The following TUSC3 variants were observed in gnomAD, a reference collection of about 807,000 sequenced individuals.
TUSC3 encodes the protein dolichyl-diphosphooligosaccharide--protein glycosyltransferase subunit TUSC3.
Under a neutral mutation model 44.8 loss-of-function variants are expected in TUSC3, and 45 were observed. The observed-to-expected ratio is 1.00, with a 90% CI of 0.79 to 1.29. The LOEUF is 1.29. TUSC3 is among the 50% of genes most tolerant of loss of function. The pLI, the probability that TUSC3 is intolerant of heterozygous loss-of-function variation, is 0.00. For missense variants in TUSC3, 519 were observed against 437.9 expected (o/e 1.19, Z -1.65); for synonymous variants, 212 against 152.9 (o/e 1.39, Z -2.85).
In TUSC3 at chr8:15,649,050, T is replaced by G. The variant is rs1376104212; in HGVS notation, c.309-1647T>G. Among the ~76,000 whole-genome samples the G allele has an allele frequency of 2.0e-5, 3 of 152,338 alleles. No individual in the cohort carries two copies. In the East Asian group the frequency reaches 5.8e-4, roughly 29 times the overall value. Reference sequence around the variant, plus strand: ...ATATATGTGGTAAAATCTCAGATCCTGCACAGTTCTTGATAAATACAATAT... The same window carrying G: ...ATATATGTGGTAAAATCTCAGATCCGGCACAGTTCTTGATAAATACAATAT... On this transcript the variant is annotated intron_variant, in intron 2 of 10. Transcript: ENST00000503731.
chr8:15,727,080 C>CATCATG (rs1489314272), intron 6 of TUSC3, among the ~76,000 whole-genome samples: 3 of 152,040 alleles, frequency 2.0e-5, no homozygotes, highest in African/African-American at 7.2e-5. Flanking sequence ...AATAAATGAA[C>CATCATG]ATCATGCTTT....
At chr8:15,447,254 A>G (rs1338902820) in intron 1 of TUSC3, among the ~76,000 whole-genome samples, 2 of 152,220 alleles carry the variant, frequency 1.3e-5, no homozygotes, top group Non-Finnish European at 2.9e-5. Flanking sequence ...CTCAAAATCC[A>G]GAAGTCAGTC....
intron 1 of TUSC3, among the ~76,000 whole-genome samples, chr8:15,449,081 C>T (rs575338834): frequency 1.3e-5 from 2 of 152,226 alleles, no homozygotes; most frequent in South Asian, 2.1e-4. Context: ...AGCTTTATTT[C>T]TCATAAAGCG....
At chr8:15,673,952 A>G (rs1808070764) in intron 6 of TUSC3, 116 bp downstream of exon 6, 1 of 833,392 alleles carries the variant, frequency 1.2e-6, no homozygotes, top group Non-Finnish European at 1.9e-6. Context: ...CAAAATATAT[A>G]TTCTTTCTCA....
chr8:15,436,101 A>G (rs1190456601), intron 1 of TUSC3, among the ~76,000 whole-genome samples: 1 of 152,172 alleles, frequency 6.6e-6, no homozygotes, highest in African/African-American at 2.4e-5. Flanking sequence ...TTAGCCATGG[A>G]CTGGGGTCCT....
intron 9 of TUSC3, among the ~76,000 whole-genome samples, chr8:15,756,076 A>G (rs1811916467): frequency 6.6e-6 from 1 of 152,160 alleles, no homozygotes; most frequent in Admixed American, 6.6e-5. Flanking sequence ...AGGTCGTATG[A>G]TATAATGGAA....
At chr8:15,625,240 T>C (rs1716840011) in intron 2 of TUSC3, among the ~76,000 whole-genome samples, 2 of 149,738 alleles carry the variant, frequency 1.3e-5, no homozygotes, top group South Asian at 4.1e-4. Context: ...TGGATTCAGT[T>C]TGCTAATTTT....
At chr8:15,761,480 T>G (rs1812167157) in intron 10 of TUSC3, among the ~76,000 whole-genome samples, 1 of 152,212 alleles carries the variant, frequency 6.6e-6, no homozygotes, top group Admixed American at 6.5e-5. Flanking sequence ...TTATCCCTTG[T>G]GTGCGATTTG....
the TUSC3 span, among the ~76,000 whole-genome samples, chr8:15,803,059 A>C: frequency 6.6e-6 from 1 of 152,190 alleles, no homozygotes; most frequent in South Asian, 2.1e-4. Context: ...GACCAAGGTC[A>C]GTGTTGATGT....
intron 7 of TUSC3, among the ~76,000 whole-genome samples, chr8:15,737,117 A>T (rs1265509551): frequency 1.3e-5 from 2 of 152,110 alleles, no homozygotes; most frequent in East Asian, 1.9e-4. Context: ...ATCTGTTTCT[A>T]GTCTATTATA....
chr8:15,575,058 A>G (rs983420243), intron 1 of TUSC3, among the ~76,000 whole-genome samples: 1 of 152,126 alleles, frequency 6.6e-6, no homozygotes, highest in Non-Finnish European at 1.5e-5. Context: ...ACTGACTATA[A>G]ACTTATCCGT....
At chr8:15,626,158 C>T (rs1435444982) in intron 2 of TUSC3, among the ~76,000 whole-genome samples, 4 of 152,142 alleles carry the variant, frequency 2.6e-5, no homozygotes, top group Non-Finnish European at 5.9e-5. Flanking sequence ...CCCCACCCTC[C>T]TGAGCCTAGG....
intron 1 of TUSC3, among the ~76,000 whole-genome samples, chr8:15,583,023 A>G (rs1403701105): frequency 6.6e-6 from 1 of 152,242 alleles, no homozygotes; most frequent in East Asian, 1.9e-4. Flanking sequence ...AACAACATGT[A>G]AAGATACATG....
At chr8:15,440,866 T>C (rs902805209) in intron 1 of TUSC3, among the ~76,000 whole-genome samples, 2 of 152,066 alleles carry the variant, frequency 1.3e-5, no homozygotes, top group Non-Finnish European at 1.5e-5. Flanking sequence ...AGCAACTGCC[T>C]CCCCAGATAG....
chr8:15,628,274 A>AT (rs1805603438), intron 2 of TUSC3, among the ~76,000 whole-genome samples: 1 of 152,198 alleles, frequency 6.6e-6, no homozygotes, highest in Non-Finnish European at 1.5e-5. Context: ...GTTACATATA[A>AT]TTATATGTAC....
chr8:15,683,876 TTC>T (rs1808518834), intron 6 of TUSC3, among the ~76,000 whole-genome samples: 1 of 152,138 alleles, frequency 6.6e-6, no homozygotes. Context: ...CTGGCTTCGT[TTC>T]TGAGTACTTT....
chr8:15,480,455 C>A (rs765264115), intron 1 of TUSC3, among the ~76,000 whole-genome samples: 4 of 152,230 alleles, frequency 2.6e-5, no homozygotes, highest in Non-Finnish European at 5.9e-5. Flanking sequence ...CAGATATGTA[C>A]TTTCTCACAG....
intron 2 of TUSC3, among the ~76,000 whole-genome samples, chr8:15,644,414 T>C (rs1265441509): frequency 6.6e-6 from 1 of 152,232 alleles, no homozygotes; most frequent in Non-Finnish European, 1.5e-5. Flanking sequence ...GTTGGAAATG[T>C]AGTCATTTTA....
intron 1 of TUSC3, among the ~76,000 whole-genome samples, chr8:15,581,605 G>A (rs1393167842): frequency 1.3e-5 from 2 of 149,648 alleles, no homozygotes; most frequent in Non-Finnish European, 3.0e-5. Context: ...CCCCTGCTGC[G>A]GGGTGCCTCC....
Sources: gnomAD v4.1 joint callset for allele counts (sites outside exome capture counted in the v4.1 genomes callset) on GRCh38, gnomAD v4.1.1 for gene constraint, MANE v1.5 for transcripts, NCBI Gene and HGNC (gene_info 2026-07-23, HGNC 2026-07-21) for gene names.